SMAD4: variants seen among roughly 807,000 people sequenced by gnomAD.
The protein encoded by SMAD4 is SMAD family member 4, also known as MAD homolog 4.
SMAD4 carries 7 observed loss-of-function variants against 63.2 expected under a neutral mutation model. The observed-to-expected ratio is 0.11, with a 90% CI of 0.06 to 0.21. The LOEUF (loss-of-function observed/expected upper bound fraction) is 0.21, where lower values mean the gene tolerates loss of function less well. SMAD4 is among the 10% of genes least tolerant of loss of function. SMAD4 has a pLI of 1.00. For synonymous variants in SMAD4, 215 were observed against 235.4 expected, an observed-to-expected ratio of 0.91 and a Z score of 0.79; for missense variants, 312 against 693.8, an observed-to-expected ratio of 0.45 and a Z score of 6.18.
At chr18:51,076,056 A>G (rs1270254864) in intron 10 of SMAD4, among the ~76,000 whole-genome samples, 1 of 152,212 alleles carries the variant, frequency 6.6e-6, no homozygotes. Context: ...AAGTAGTTAC[A>G]ATTTTATATT....
At chr18:51,054,171 G>A (rs1909779520) in intron 4 of SMAD4, 1 of 153,990 alleles carries the variant, frequency 6.5e-6, no homozygotes, top group African/African-American at 2.4e-5. Context: ...TTTGGGTTGG[G>A]TTTCTAGAGG....
rs867684157 is a variant in SMAD4 at position 51,084,045 on chromosome 18, G to A, written c.*5578G>A. The A allele has an allele frequency of 1.6e-5, 3 of 190,612 alleles. No individual in the cohort carries two copies. Among genetic ancestry groups the A allele is most frequent in the African/African-American group, 5.2e-5 (2 of 38,134 alleles). 11.8% of individuals were successfully genotyped at this position (190,612 alleles called of 1,614,324 possible). A position where few individuals can be genotyped will look rare whatever the true frequency, so the allele number is the denominator to read the frequency against. ...ACACACACACACACACACACACACA[G>A]GTCAGAGTTTAAGGCTTTCGAGTCA... On this transcript the variant is annotated 3_prime_UTR_variant, in exon 12 of 12. Coordinates refer to ENST00000342988, the MANE Select transcript of SMAD4 (RefSeq NM_005359.6).
At chr18:51,062,277 A>C (rs866677004) in intron 8 of SMAD4, among the ~76,000 whole-genome samples, 5 of 152,168 alleles carry the variant, frequency 3.3e-5, no homozygotes, top group African/African-American at 1.2e-4. Flanking sequence ...TGTAATATAC[A>C]GAAAAGTATG....
chr18:51,054,484 A>G, intron 4 of SMAD4: 1 of 377,502 alleles, frequency 2.6e-6, no homozygotes, highest in East Asian at 5.8e-5. Flanking sequence ...TAGGTTTATC[A>G]AGAAACTGAG....
chr18:51,076,873 T>A (rs1444351342), intron 11 of SMAD4, 97 bp downstream of exon 11: 1 of 976,430 alleles, frequency 1.0e-6, no homozygotes, highest in Non-Finnish European at 1.5e-6. Context: ...TAATAGAAAT[T>A]AAAGTTTTTT....
chr18:51,071,337 G>A (rs1439575549), intron 10 of SMAD4, among the ~76,000 whole-genome samples: 1 of 151,998 alleles, frequency 6.6e-6, no homozygotes, highest in Non-Finnish European at 1.5e-5. Flanking sequence ...CACACTTGGA[G>A]AGCCATAATT....
chr18:51,074,586 G>T (rs73436537), intron 10 of SMAD4, among the ~76,000 whole-genome samples: 5 of 152,262 alleles, frequency 3.3e-5, no homozygotes, highest in African/African-American at 1.2e-4. Flanking sequence ...TGATAGTGGC[G>T]GAAGGTTGGG....
chr18:51,072,944 G>A (rs952082481), intron 10 of SMAD4, among the ~76,000 whole-genome samples: 2 of 152,224 alleles, frequency 1.3e-5, no homozygotes, highest in East Asian at 1.9e-4. Context: ...TATGGTATCC[G>A]TTATCAATGG....
chr18:51,063,636 C>T (rs909696272), intron 8 of SMAD4, among the ~76,000 whole-genome samples: 1 of 151,934 alleles, frequency 6.6e-6, no homozygotes, highest in Non-Finnish European at 1.5e-5. Flanking sequence ...TGGCCTTGAC[C>T]TCCTGGGCTC....
At chr18:51,060,374 G>A (rs774807047) in intron 8 of SMAD4, among the ~76,000 whole-genome samples, 27 of 152,148 alleles carry the variant, frequency 1.8e-4, no homozygotes, top group Non-Finnish European at 3.7e-4. Context: ...TCGCTAAGTA[G>A]CTTTCTTCAG....
chr18:51,052,239 G>C (rs1471969356), intron 4 of SMAD4: 1 of 152,522 alleles, frequency 6.6e-6, no homozygotes, highest in African/African-American at 2.4e-5. Flanking sequence ...TGAGTATTGT[G>C]TCATCATTCT....
intron 11 of SMAD4, 129 bp downstream of exon 11, chr18:51,076,905 T>C: frequency 1.5e-6 from 1 of 677,652 alleles, no homozygotes; most frequent in Non-Finnish European, 2.4e-6. Context: ...GATGACATTT[T>C]TGAATTGGTA....
chr18:51,050,544 AGCTACTTGGGAAGCTGAGGC>A (rs1909679388), intron 4 of SMAD4, among the ~76,000 whole-genome samples: 1 of 151,524 alleles, frequency 6.6e-6, no homozygotes, highest in East Asian at 1.9e-4. Context: ...CTGTAGTCCC[AGCTACTTGGGAAGCTGAGGC>A]AGGAGAATGG....
intron 10 of SMAD4, among the ~76,000 whole-genome samples, chr18:51,073,670 A>T (rs925465783): frequency 4.0e-5 from 6 of 151,666 alleles, no homozygotes; most frequent in African/African-American, 1.5e-4. Context: ...ATCTGGGATC[A>T]CAAGCTTGCA....
chr18:51,062,404 G>T (rs1910037307), intron 8 of SMAD4, among the ~76,000 whole-genome samples: 1 of 152,052 alleles, frequency 6.6e-6, no homozygotes, highest in African/African-American at 2.4e-5. Context: ...CATGAATTTT[G>T]TCTCTGTCAA....
At chr18:51,030,940 GC>G (rs1264646546) in intron 1 of SMAD4, among the ~76,000 whole-genome samples, 1 of 152,146 alleles carries the variant, frequency 6.6e-6, no homozygotes, top group Non-Finnish European at 1.5e-5. Context: ...TTTCACGGTC[GC>G]CCCGGCTGAG....
In SMAD4 at chr18:51,081,993, G is replaced by C. The variant is rs928963015; in HGVS notation, c.*3526G>C. The C allele has an allele frequency of 4.3e-6, 1 of 231,674 alleles. No homozygotes were observed. Among genetic ancestry groups the C allele is most frequent in the African/African-American group, 2.2e-5 (1 of 45,230 alleles). 14.4% of individuals were successfully genotyped at this position (231,674 alleles called of 1,614,324 possible). ...TCACACCCTTTCTGAGAGCCTTTTG[G>C]GAGAAGCAGTTTTATTCTCTGAGTG... On this transcript the variant is annotated 3_prime_UTR_variant, in exon 12 of 12. Transcript: ENST00000342988.
intron 10 of SMAD4, among the ~76,000 whole-genome samples, chr18:51,075,919 A>G (rs900146264): frequency 2.6e-5 from 4 of 152,222 alleles, no homozygotes; most frequent in Non-Finnish European, 5.9e-5. Context: ...CTCAGCCCAT[A>G]TAATTAGCAG....
Position 51,076,679 on chromosome 18 carries a change from G to A in SMAD4, c.1350G>A (p.Gln450=), listed in dbSNP as rs751279659. Residue 450 remains glutamine (Q), a synonymous_variant, in exon 11 of 12, where the codon CAG becomes CAA. Coordinates refer to ENST00000342988, the MANE Select transcript of SMAD4 (RefSeq NM_005359.6). ...AGTGTCATCGACAGATGCAGCAGCA[G>A]GCGGCTACTGCACAAGCTGCAGCAG... ...LRQCHRQMQQ[Q]AATAQAAAAA... is the part of the protein sequence containing the mutation. The A allele has an allele frequency of 3.1e-6, 5 of 1,613,886 alleles. No homozygotes were observed. Among genetic ancestry groups the A allele is most frequent in the Non-Finnish European group, 4.2e-6 (5 of 1,179,776 alleles).
Sources: allele counts gnomAD v4.1 joint callset (sites outside exome capture counted in the v4.1 genomes callset), GRCh38; gene constraint gnomAD v4.1.1; transcripts MANE v1.5; gene names NCBI Gene and HGNC (gene_info 2026-07-23, HGNC 2026-07-21).